The following ASTN2 variants were observed in gnomAD, a reference collection of about 807,000 sequenced individuals.
ASTN2 encodes the protein astrotactin-2.
A neutral mutation model predicts 139.8 loss-of-function variants in ASTN2; 54 were observed. That is an observed-to-expected ratio of 0.39 (90% CI 0.31 to 0.48). ASTN2 has a LOEUF of 0.48. ASTN2 is among the 20% of genes least tolerant of loss of function. ASTN2 has a pLI of 0.95. For synonymous variants in ASTN2, 756 were observed against 719.5 expected, an observed-to-expected ratio of 1.05 and a Z score of -0.81; for missense variants, 1,565 against 1,725.1, an observed-to-expected ratio of 0.91 and a Z score of 1.64.
chr9:116,937,792 T>A (rs1487078737), intron 10 of ASTN2, among the ~76,000 whole-genome samples: 3 of 152,218 alleles, frequency 2.0e-5, no homozygotes, highest in Non-Finnish European at 4.4e-5. Context: ...GATAAATATG[T>A]GTTAGTTTTT....
At chr9:116,580,671 G>C (rs1487156521) in intron 19 of ASTN2, among the ~76,000 whole-genome samples, 1 of 152,174 alleles carries the variant, frequency 6.6e-6, no homozygotes, top group African/African-American at 2.4e-5. Flanking sequence ...AGAAGTGGGA[G>C]GTGCACTTAA....
intron 13 of ASTN2, among the ~76,000 whole-genome samples, chr9:116,803,090 G>A (rs1429515148): frequency 1.3e-5 from 2 of 152,046 alleles, no homozygotes; most frequent in African/African-American, 4.8e-5. Context: ...ACTTGTGTGT[G>A]TCATCTTGCA....
chr9:116,425,348 A>G lies in ASTN2; in HGVS notation c.*503T>C. 3 of 557,034 alleles carry G rather than the reference A, an allele frequency of 5.4e-6. No homozygotes were observed. The highest frequency in any genetic ancestry group is 6.4e-6 in the Non-Finnish European group (2 of 312,402). The allele number at this position is 557,034 out of a possible 1,614,324, so 34.5% of individuals were successfully genotyped here. A position where few individuals can be genotyped will look rare whatever the true frequency, so the allele number is the denominator to read the frequency against. On this transcript the variant is annotated 3_prime_UTR_variant, in exon 23 of 23. Transcript: ENST00000313400. ...TAATGTCCAGCAAAAAAGAGAGAGA[A>G]GTCCTTAAAGACCCATGCTTCCTCA... is the stretch of plus-strand genomic sequence containing the variant.
chr9:116,939,129 G>T (rs1278292544), intron 10 of ASTN2, among the ~76,000 whole-genome samples: 1 of 152,132 alleles, frequency 6.6e-6, no homozygotes, highest in Non-Finnish European at 1.5e-5. Context: ...TCTGTCACTA[G>T]CTGGTACAAT....
intron 17 of ASTN2, among the ~76,000 whole-genome samples, chr9:116,645,145 ACT>A (rs1379313118): frequency 1.3e-5 from 2 of 152,104 alleles, no homozygotes; most frequent in Non-Finnish European, 2.9e-5. Context: ...TTCAAATCCA[ACT>A]CTGTCTGGCT....
At chr9:116,748,058 T>C (rs1488189485) in intron 13 of ASTN2, among the ~76,000 whole-genome samples, 1 of 151,996 alleles carries the variant, frequency 6.6e-6, no homozygotes, top group Admixed American at 6.6e-5. Context: ...AACTTTCCCC[T>C]CCACTACTCA....
intron 10 of ASTN2, among the ~76,000 whole-genome samples, chr9:116,964,802 G>T (rs1016161949): frequency 1.3e-5 from 2 of 152,268 alleles, no homozygotes; most frequent in African/African-American, 4.8e-5. Context: ...ATTTATTTCA[G>T]GAAATGTATT....
chr9:116,648,320 G>C (rs1013707029), intron 17 of ASTN2, among the ~76,000 whole-genome samples: 1 of 151,902 alleles, frequency 6.6e-6, no homozygotes, highest in Non-Finnish European at 1.5e-5. Context: ...TTCAGAAATG[G>C]TGGTCTCCCT....
intron 2 of ASTN2, among the ~76,000 whole-genome samples, chr9:117,258,551 C>CA (rs1833746153): frequency 6.6e-6 from 1 of 152,082 alleles, no homozygotes; most frequent in South Asian, 2.1e-4. Context: ...GTCCCTGCTC[C>CA]ATCACTTTCT....
At chr9:116,980,516 A>G (rs1220504150) in intron 7 of ASTN2, among the ~76,000 whole-genome samples, 2 of 152,186 alleles carry the variant, frequency 1.3e-5, no homozygotes, top group African/African-American at 2.4e-5. Context: ...GTAGAGACAC[A>G]AATTACCTCC....
chr9:117,396,001 C>T (rs1298679501), intron 1 of ASTN2, among the ~76,000 whole-genome samples: 2 of 152,130 alleles, frequency 1.3e-5, no homozygotes, highest in Non-Finnish European at 2.9e-5. Flanking sequence ...ATTGGAACCA[C>T]AGTTTTCTCA....
At chr9:117,026,611 C>T (rs993055434) in intron 6 of ASTN2, among the ~76,000 whole-genome samples, 2 of 152,044 alleles carry the variant, frequency 1.3e-5, no homozygotes, top group Non-Finnish European at 2.9e-5. Context: ...CATTTAATGC[C>T]CTTGTTCAGG....
At chr9:117,131,878 A>G (rs938378591) in intron 4 of ASTN2, among the ~76,000 whole-genome samples, 1 of 152,206 alleles carries the variant, frequency 6.6e-6, no homozygotes, top group Non-Finnish European at 1.5e-5. Context: ...ACACTTTCTC[A>G]GGACCCCTTG....
At chr9:116,427,421 A>G (rs1361134861) in intron 22 of ASTN2, among the ~76,000 whole-genome samples, 1 of 152,214 alleles carries the variant, frequency 6.6e-6, no homozygotes, top group Non-Finnish European at 1.5e-5. Flanking sequence ...AAGGAATAGA[A>G]TATCTTTATC....
intron 16 of ASTN2, 53 bp downstream of exon 16, chr9:116,725,718 C>T (rs1250761741): frequency 4.5e-6 from 7 of 1,572,768 alleles, no homozygotes; most frequent in Middle Eastern, 2.3e-4. Flanking sequence ...CCCCAGACCC[C>T]TTGCCTCTAT....
At position 116,874,246 on chromosome 9, in the gene ASTN2, C is replaced by T. The variant is rs534057071; in HGVS notation, c.1890-10513G>A. Among the ~76,000 whole-genome samples, 8 of 152,032 alleles carry T rather than the reference C, an allele frequency of 5.3e-5. No homozygotes were observed. In the South Asian group the frequency reaches 1.7e-3, roughly 32 times the overall value. ...TTAGCTGACACTTAACATTCTCCTT[C>T]CTCTAGCAATTATGGTTTGCACTAA... On this transcript the variant is annotated intron_variant, in intron 10 of 22. Transcript: ENST00000313400.
chr9:117,392,673 A>C (rs1409405871), intron 1 of ASTN2, among the ~76,000 whole-genome samples: 1 of 152,238 alleles, frequency 6.6e-6, no homozygotes, highest in African/African-American at 2.4e-5. Flanking sequence ...TGTCAGTTAC[A>C]ACCAAGAGTT....
At chr9:117,237,754 C>T (rs1476360940) in intron 2 of ASTN2, among the ~76,000 whole-genome samples, 2 of 152,230 alleles carry the variant, frequency 1.3e-5, no homozygotes, top group Non-Finnish European at 2.9e-5. Flanking sequence ...GCTGGGATTA[C>T]AGGCATGAGC....
intron 11 of ASTN2, among the ~76,000 whole-genome samples, chr9:116,853,153 G>A (rs528677344): frequency 7.9e-5 from 12 of 152,168 alleles, no homozygotes; most frequent in South Asian, 2.1e-4. Context: ...ACACCAAACC[G>A]TGGCACATTT....
Sources: allele counts gnomAD v4.1 joint callset (sites outside exome capture counted in the v4.1 genomes callset), GRCh38; gene constraint gnomAD v4.1.1; transcripts MANE v1.5; gene names NCBI Gene and HGNC (gene_info 2026-07-23, HGNC 2026-07-21).